OSCP1: variants seen among roughly 807,000 people sequenced by gnomAD.
OSCP1 encodes the protein organic solute carrier partner 1.
In OSCP1, 35 loss-of-function variants were observed where a neutral mutation model predicts 45.1. The observed-to-expected ratio is 0.78, with a 90% CI of 0.59 to 1.03. The LOEUF (loss-of-function observed/expected upper bound fraction) is 1.03. Among genes scored for constraint, OSCP1 ranks in the 50% least tolerant of loss-of-function variants. OSCP1 has a pLI of 0.00. For synonymous variants in OSCP1, 179 were observed against 180.1 expected (o/e 0.99, Z 0.05); for missense variants, 400 against 470.7 (o/e 0.85, Z 1.39).
At chr1:36,424,660 T>C (rs1021217230) in intron 4 of OSCP1, among the ~76,000 whole-genome samples, 1 of 152,142 alleles carries the variant, frequency 6.6e-6, no homozygotes, top group African/African-American at 2.4e-5. Context: ...AGTTTGAGGA[T>C]CTTTTAGGTG....
rs1246237800 is a variant in OSCP1, at chr1:36,438,797, G to A, written c.226C>T (p.His76Tyr). Residue 76 changes from histidine (H) to tyrosine (Y), a missense_variant, in exon 2 of 10, where the codon CAT (histidine) becomes TAT (tyrosine). By Grantham distance (83) the His-to-Tyr change is moderately conservative (BLOSUM62 2). Coordinates refer to ENST00000235532, the MANE Select transcript of OSCP1 (RefSeq NM_145047.5). ...ALRTVYERLA[H>Y]ASIMKLNQAS... ...TGGTTCAGTTTCATAATGGAGGCAT[G>A]AGCCAGGCGCTCATAGACAGTCCTC... 6.2e-7 allele frequency: 1 copy of A among 1,613,714 alleles called. No individual in the cohort carries two copies. Among genetic ancestry groups the A allele is most frequent in the African/African-American group, 1.3e-5 (1 of 74,920 alleles).
intron 1 of OSCP1, 47 bp downstream of exon 1, chr1:36,450,211 C>A (rs1005905013): frequency 5.3e-6 from 8 of 1,500,390 alleles, no homozygotes; most frequent in Non-Finnish European, 6.5e-6. Context: ...ATGAGAGGGC[C>A]GGGCTGCTGG....
chr1:36,434,132 G>C (rs1035903872), intron 2 of OSCP1, among the ~76,000 whole-genome samples: 8 of 152,156 alleles, frequency 5.3e-5, no homozygotes. Flanking sequence ...GAGCGGAAGA[G>C]CCAGGAGAGA....
chr1:36,444,921 T>C lies in OSCP1; in HGVS notation c.112+5337A>G, dbSNP rs551521273. On this transcript the variant is annotated intron_variant, in intron 1 of 9. Transcript: ENST00000235532. ...TAGCTGGCTTCCCTTTGAGTTCTGT[T>C]TCCTCTACTGAGGGACATTAGACAC... Among the ~76,000 whole-genome samples, 94 of 152,338 alleles carry C rather than the reference T, an allele frequency of 6.2e-4. 1 individual carries two copies. Among genetic ancestry groups the C allele is most frequent in the Non-Finnish European group, 9.8e-4 (67 of 68,026 alleles).
At chr1:36,430,428 C>G (rs145933016) in intron 4 of OSCP1, among the ~76,000 whole-genome samples, 1 of 152,228 alleles carries the variant, frequency 6.6e-6, no homozygotes, top group African/African-American at 2.4e-5. Context: ...GGAAGCATAG[C>G]CCACAAGAGT....
chr1:36,422,778 C>T lies in OSCP1; in HGVS notation c.739G>A (p.Gly247Arg). 6.3e-7 allele frequency: 1 copy of T among 1,588,052 alleles called. No individual in the cohort carries two copies. The highest frequency in any genetic ancestry group is 8.6e-7 in the Non-Finnish European group (1 of 1,165,152). The change falls in exon 6 of 10, where the codon GGA (glycine) becomes AGA (arginine). Residue 247 changes from glycine to arginine, a missense_variant. By Grantham distance (125) the Gly-to-Arg change is moderately radical (BLOSUM62 -2). Coordinates refer to ENST00000235532, the MANE Select transcript of OSCP1 (RefSeq NM_145047.5). ...ELYGDRVLKLGTNMYSVNQPV... is the reference protein window; with the variant it reads ...ELYGDRVLKLRTNMYSVNQPV... ...GAAGAATTTGCTTACATGTTAGTTC[C>T]CAGTTTCAGGACTCGGTCTCCATAA... is the stretch of plus-strand genomic sequence containing the variant.
Position 36,447,864 on chromosome 1 carries a change from T to C in OSCP1, c.112+2394A>G. On this transcript the variant is annotated intron_variant, in intron 1 of 9. Coordinates refer to ENST00000235532, the MANE Select transcript of OSCP1 (RefSeq NM_145047.5). The surrounding 1 kb of genome is among the most constrained non-coding windows in gnomAD (Gnocchi z 4.1). The stretch of plus-strand genomic sequence containing the variant: ...ATCAGGCTCCATATAGTATCTCACA[T>C]AGTGTTTGACACTCAGTCAAAATCT... 2 of 452,714 alleles carry C rather than the reference T, an allele frequency of 4.4e-6. No homozygotes were observed. The highest frequency in any genetic ancestry group is 2.4e-5 in the Admixed American group (1 of 42,336). The allele number at this position is 452,714 out of a possible 1,614,324, so 28.0% of individuals were successfully genotyped here. A position where few individuals can be genotyped will look rare whatever the true frequency, so the allele number is the denominator to read the frequency against.
At chr1:36,442,739 C>G (rs1319704909) in intron 1 of OSCP1, among the ~76,000 whole-genome samples, 2 of 152,158 alleles carry the variant, frequency 1.3e-5, no homozygotes, top group Non-Finnish European at 2.9e-5. Context: ...AGGCACTGGG[C>G]TTAGAACTTT....
chr1:36,441,822 T>C (rs1188731843), intron 1 of OSCP1, among the ~76,000 whole-genome samples: 1 of 146,338 alleles, frequency 6.8e-6, no homozygotes, highest in Non-Finnish European at 1.5e-5. Flanking sequence ...CCTGAAGAAA[T>C]AGTTTTAATC....
intron 8 of OSCP1, 74 bp from the exon 9 acceptor site, chr1:36,419,128 A>G (rs974406725): frequency 2.2e-5 from 30 of 1,341,434 alleles, no homozygotes; most frequent in Non-Finnish European, 3.1e-5. Context: ...CTGGCTCTTG[A>G]TCAGTTGGCA....
chr1:36,444,089 C>G (rs1649361341), intron 1 of OSCP1: 1 of 1,565,312 alleles, frequency 6.4e-7, no homozygotes, highest in African/African-American at 1.4e-5. Flanking sequence ...ACATTATTTT[C>G]AAGGAGGCTT....
chr1:36,433,161 C>A (rs1043816143), intron 2 of OSCP1, among the ~76,000 whole-genome samples: 1 of 152,180 alleles, frequency 6.6e-6, no homozygotes, highest in African/African-American at 2.4e-5. Context: ...CAAGCCATCT[C>A]CACATAGGTG....
intron 4 of OSCP1, among the ~76,000 whole-genome samples, chr1:36,429,988 G>C (rs55850105): frequency 0.021 from 3,197 of 151,980 alleles, 42 homozygotes; most frequent in Non-Finnish European, 0.035. Context: ...TAGTAGAGAC[G>C]GGGTTTCACC....
At chr1:36,432,960 G>T (rs908808117) in intron 2 of OSCP1, among the ~76,000 whole-genome samples, 2 of 152,178 alleles carry the variant, frequency 1.3e-5, no homozygotes, top group Non-Finnish European at 2.9e-5. Context: ...CTAACTTATT[G>T]TATAACCTTG....
intron 2 of OSCP1, among the ~76,000 whole-genome samples, chr1:36,437,925 A>G (rs977023078): frequency 6.6e-6 from 1 of 152,188 alleles, no homozygotes; most frequent in African/African-American, 2.4e-5. Flanking sequence ...CTGTAATCCT[A>G]GCACTTTGGG....
chr1:36,422,059 T>G, intron 7 of OSCP1, 91 bp downstream of exon 7: 1 of 1,246,382 alleles, frequency 8.0e-7, no homozygotes, highest in Non-Finnish European at 1.2e-6. Context: ...GTTGGCTAGA[T>G]CCGAAATCTA....
chr1:36,420,042 C>T (rs1308439588), intron 8 of OSCP1, among the ~76,000 whole-genome samples: 1 of 148,408 alleles, frequency 6.7e-6, no homozygotes, highest in African/African-American at 2.5e-5. Flanking sequence ...ATGGTGCAGT[C>T]TTGGCTCACT....
chr1:36,448,649 T>C (rs973126380), intron 1 of OSCP1, among the ~76,000 whole-genome samples: 2 of 152,196 alleles, frequency 1.3e-5, no homozygotes, highest in African/African-American at 4.8e-5. Context: ...GGAGGATTCC[T>C]GAAGGAGATG....
At chr1:36,444,077 GAAC>G in intron 1 of OSCP1, 1 of 1,588,308 alleles carries the variant, frequency 6.3e-7, no homozygotes, top group Non-Finnish European at 8.6e-7. Context: ...CATGAAGCAA[GAAC>G]ATTATTTTCA....
Sources: allele counts gnomAD v4.1 joint callset (sites outside exome capture counted in the v4.1 genomes callset), GRCh38; gene constraint gnomAD v4.1.1; non-coding constraint Gnocchi (gnomAD v3.1); transcripts MANE v1.5; gene names NCBI Gene and HGNC (gene_info 2026-07-23, HGNC 2026-07-21).